Variants in KALRN observed in about 807,000 individuals in gnomAD.
The protein encoded by KALRN is kalirin RhoGEF kinase.
Under a neutral mutation model 353.7 loss-of-function variants are expected in KALRN, and 70 were observed. The observed-to-expected ratio is 0.20, with a 90% CI of 0.16 to 0.24. The LOEUF is 0.24. Among genes scored for constraint, KALRN ranks in the 10% least tolerant of loss-of-function variants. KALRN has a pLI of 1.00. For missense variants in KALRN, 2,791 were observed against 3,756.7 expected (o/e 0.74, Z 6.72); for synonymous variants, 1,391 against 1,434.8 (o/e 0.97, Z 0.69).
intron 3 of KALRN, among the ~76,000 whole-genome samples, chr3:124,246,039 T>C (rs2081085153): frequency 6.6e-6 from 1 of 152,234 alleles, no homozygotes; most frequent in Non-Finnish European, 1.5e-5. Context: ...TGACAAGATC[T>C]CATTCTTTTT....
intron 36 of KALRN, among the ~76,000 whole-genome samples, chr3:124,636,477 C>T (rs1296390783): frequency 6.6e-6 from 1 of 152,172 alleles, no homozygotes; most frequent in Non-Finnish European, 1.5e-5. Context: ...GTCCTGGAGT[C>T]GTCTCTCTTT....
At chr3:124,683,134 G>A (rs1420554584) in intron 51 of KALRN, among the ~76,000 whole-genome samples, 2 of 152,182 alleles carry the variant, frequency 1.3e-5, no homozygotes, top group Non-Finnish European at 2.9e-5. Flanking sequence ...CATGGAAGAA[G>A]AGTCAAACCA....
At chr3:124,505,328 T>TA (rs2065086125) in intron 33 of KALRN, among the ~76,000 whole-genome samples, 2 of 151,978 alleles carry the variant, frequency 1.3e-5, no homozygotes, top group Non-Finnish European at 2.9e-5. Context: ...AAAATAAACT[T>TA]AAAAACTTTA....
chr3:124,528,714 G>A (rs905113897), intron 33 of KALRN, among the ~76,000 whole-genome samples: 1 of 152,184 alleles, frequency 6.6e-6, no homozygotes, highest in African/African-American at 2.4e-5. Context: ...CCATTGCTAT[G>A]TTGAAAAATT....
At position 124,421,408 on chromosome 3, in the gene KALRN, T is replaced by G. The variant is rs541890661; in HGVS notation, c.2543-1404T>G. Among the ~76,000 whole-genome samples, 8 of 152,300 alleles carry G rather than the reference T, an allele frequency of 5.3e-5. No homozygotes were observed. The South Asian group carries it at 6.2e-4, about 12-fold the overall frequency. ...AAGCCACAGGACTAAGGAGCAGTGG[T>G]CTATATTTATTGTGTATCATGTACA... is the stretch of plus-strand genomic sequence containing the variant. On this transcript the variant is annotated intron_variant, in intron 14 of 59. Transcript: ENST00000682506.
chr3:124,218,679 T>C (rs1054687722), intron 1 of KALRN, among the ~76,000 whole-genome samples: 2 of 152,198 alleles, frequency 1.3e-5, no homozygotes, highest in African/African-American at 4.8e-5. Context: ...CTTGTGTCTG[T>C]GCTATACTCA....
intron 3 of KALRN, among the ~76,000 whole-genome samples, chr3:124,248,686 C>G (rs2070693812): frequency 6.6e-6 from 1 of 152,222 alleles, no homozygotes; most frequent in African/African-American, 2.4e-5. Flanking sequence ...CTCAGAGCCT[C>G]CTTCCTCTCT....
intron 1 of KALRN, among the ~76,000 whole-genome samples, chr3:124,138,497 C>G (rs1419180132): frequency 6.6e-6 from 1 of 152,300 alleles, no homozygotes; most frequent in Non-Finnish European, 1.5e-5. Flanking sequence ...CAGAGACAGA[C>G]AAGCAGATCA....
At chr3:124,423,097 C>A (rs909462555) in intron 15 of KALRN, 119 bp downstream of exon 15, 3 of 875,130 alleles carry the variant, frequency 3.4e-6, no homozygotes, top group Non-Finnish European at 5.2e-6. Context: ...AAGTAACCAG[C>A]ACTTCGAAAA....
chr3:124,401,883 A>G (rs1576612018), intron 13 of KALRN, among the ~76,000 whole-genome samples: 1 of 152,308 alleles, frequency 6.6e-6, no homozygotes, highest in Non-Finnish European at 1.5e-5. Context: ...GCTATGTCTC[A>G]CTGTGGGGAT....
intron 1 of KALRN, among the ~76,000 whole-genome samples, chr3:124,219,285 A>C (rs1348228268): frequency 5.9e-5 from 9 of 152,248 alleles, no homozygotes; most frequent in African/African-American, 1.9e-4. Flanking sequence ...GGTACATGCC[A>C]GTGATATACT....
intron 5 of KALRN, among the ~76,000 whole-genome samples, chr3:124,276,389 C>T (rs973070198): frequency 1.3e-5 from 2 of 152,144 alleles, no homozygotes; most frequent in African/African-American, 2.4e-5. Flanking sequence ...TGTCCTCTCC[C>T]TCCAAGGTAT....
At chr3:124,696,096 T>C (rs1166732942) in intron 53 of KALRN, 38 bp from the exon 54 acceptor site, 1 of 1,610,176 alleles carries the variant, frequency 6.2e-7, no homozygotes, top group Admixed American at 1.7e-5. Context: ...AAGTGTCTCA[T>C]TACTGGAGTC....
chr3:124,412,452 G>A (rs1560853278), intron 13 of KALRN, among the ~76,000 whole-genome samples: 1 of 152,198 alleles, frequency 6.6e-6, no homozygotes, highest in African/African-American at 2.4e-5. Context: ...TGTCATCGGG[G>A]TAGCATGAGA....
At chr3:124,623,572 A>C (rs2079573534) in intron 34 of KALRN, among the ~76,000 whole-genome samples, 2 of 152,090 alleles carry the variant, frequency 1.3e-5, no homozygotes, top group Admixed American at 1.3e-4. Flanking sequence ...AGCACTGGAG[A>C]AAGATGTAAG....
At chr3:124,685,568 T>C (rs2061520062) in intron 51 of KALRN, among the ~76,000 whole-genome samples, 1 of 152,174 alleles carries the variant, frequency 6.6e-6, no homozygotes, top group South Asian at 2.1e-4. Context: ...TTAACAAGGG[T>C]CAGGCTCAGG....
chr3:124,477,382 G>C (rs1437923109), intron 27 of KALRN, 48 bp downstream of exon 27: 1 of 1,354,544 alleles, frequency 7.4e-7, no homozygotes. Flanking sequence ...AGGTGGAAAT[G>C]CTTCTCTGCT....
chr3:124,612,273 G>A (rs976290260), intron 34 of KALRN, among the ~76,000 whole-genome samples: 3 of 149,508 alleles, frequency 2.0e-5, no homozygotes, highest in African/African-American at 4.9e-5. Flanking sequence ...GCATGATCTC[G>A]GCTCACCACA....
rs529136420 is a variant in KALRN at position 124,428,792 on chromosome 3, C to A, written c.2710-1864C>A. Among the ~76,000 whole-genome samples the A allele has an allele frequency of 5.3e-5, 8 of 152,266 alleles. No homozygotes were observed. In the East Asian group the frequency reaches 1.5e-3, roughly 29 times the overall value. ...AAATGGGAAGCTTGTAAGTAGGGAT[C>A]CCACCACCATAGCTATAACTCATGC... On this transcript the variant is annotated intron_variant, in intron 15 of 59. Coordinates refer to ENST00000682506, the MANE Select transcript of KALRN (RefSeq NM_001388419.1).
Sources: allele counts gnomAD v4.1 joint callset (sites outside exome capture counted in the v4.1 genomes callset), GRCh38; gene constraint gnomAD v4.1.1; transcripts MANE v1.5; gene names NCBI Gene and HGNC (gene_info 2026-07-23, HGNC 2026-07-21).